CSMD3: variants seen among roughly 807,000 people sequenced by gnomAD.
CSMD3 encodes the protein CUB and sushi domain-containing protein 3.
Under a neutral mutation model 435.2 loss-of-function variants are expected in CSMD3, and 177 were observed. The observed-to-expected ratio is 0.41, with a 90% confidence interval of 0.36 to 0.46. The LOEUF is 0.46. Ranked by LOEUF, CSMD3 falls within the 20% of genes least tolerant of loss-of-function variation. The pLI is 0.34. For synonymous variants in CSMD3, 1,656 were observed against 1,520.5 expected (o/e 1.09, Z -2.07); for missense variants, 4,265 against 4,504.6 (o/e 0.95, Z 1.52).
rs2129754319 is a variant in CSMD3, at chr8:112,224,702, C to G, written c.*69G>C. The G allele has an allele frequency of 6.7e-7, 1 of 1,485,984 alleles. No homozygotes were observed. Among genetic ancestry groups the G allele is most frequent in the Middle Eastern group, 1.7e-4 (1 of 5,812 alleles). 92.0% of individuals were successfully genotyped at this position (1,485,984 alleles called of 1,614,324 possible). A position where few individuals can be genotyped will look rare whatever the true frequency, so the allele number is the denominator to read the frequency against. On this transcript the variant is annotated 3_prime_UTR_variant, in exon 71 of 71. Transcript: ENST00000297405. ...GAAAAGTGTGCTTTAATTTGTTTAG[C>G]AGTGAACTAAATGTGCACTGTTTTG...
intron 15 of CSMD3, among the ~76,000 whole-genome samples, chr8:112,683,524 G>T (rs2131793115): frequency 6.6e-6 from 1 of 152,034 alleles, no homozygotes; most frequent in South Asian, 2.1e-4. Context: ...ACAGCAAATA[G>T]CAGGAGTATA....
chr8:112,809,563 A>T (rs1349110375), intron 12 of CSMD3, among the ~76,000 whole-genome samples: 2 of 152,178 alleles, frequency 1.3e-5, no homozygotes, highest in Non-Finnish European at 2.9e-5. Flanking sequence ...TACTTTAAGA[A>T]CCACATTTTA....
chr8:112,311,032 T>C lies in CSMD3; in HGVS notation c.7831A>G (p.Arg2611Gly). ...GCATGATACCCATAGGAAGACTTTC[T>C]GCACACAGCACTGCTTTTTCCAACA... ...RLVGKSSAVC[R>G]KSSYGYHAWD... The change falls in exon 50 of 71, where the codon AGA (arginine) becomes GGA (glycine). Residue 2611 changes from arginine (R) to glycine (G), a missense_variant. Physicochemically the swap from Arg to Gly is moderately radical, Grantham distance 125 (BLOSUM62 -2). This residue lies in a region of CSMD3 where 3,255 missense variants were observed against 3,380.2 expected (regional missense o/e 0.96). Coordinates refer to ENST00000297405, the MANE Select transcript of CSMD3 (RefSeq NM_198123.2). 1 of 1,614,166 alleles carries C rather than the reference T, an allele frequency of 6.2e-7. No homozygotes were observed. Among genetic ancestry groups the C allele is most frequent in the Non-Finnish European group, 8.5e-7 (1 of 1,180,014 alleles).
chr8:112,610,278 A>G (rs1304786343), intron 22 of CSMD3, among the ~76,000 whole-genome samples: 1 of 152,030 alleles, frequency 6.6e-6, no homozygotes, highest in Non-Finnish European at 1.5e-5. Context: ...ATTACGTTGT[A>G]TATCTTGAAT....
chr8:112,775,242 G>A (rs886837231), intron 13 of CSMD3, among the ~76,000 whole-genome samples: 5 of 151,484 alleles, frequency 3.3e-5, no homozygotes, highest in Non-Finnish European at 7.4e-5. Flanking sequence ...ATGTTAATGG[G>A]TATACATTTT....
intron 1 of CSMD3, among the ~76,000 whole-genome samples, chr8:113,378,399 T>C (rs1194115953): frequency 1.3e-5 from 2 of 152,220 alleles, no homozygotes; most frequent in Non-Finnish European, 2.9e-5. Flanking sequence ...AGAGATATAG[T>C]CTAGTTGAGG....
chr8:112,990,656 C>T (rs566065308), intron 6 of CSMD3, among the ~76,000 whole-genome samples: 8 of 151,894 alleles, frequency 5.3e-5, no homozygotes, highest in African/African-American at 1.7e-4. Flanking sequence ...TTGTTAGTTT[C>T]TAGGAATTAA....
chr8:112,829,812 A>C, intron 11 of CSMD3, 23 bp from the exon 12 acceptor site: 1 of 1,222,170 alleles, frequency 8.2e-7, no homozygotes, highest in South Asian at 1.2e-5. Context: ...AGAAACATGC[A>C]CCTTAAATAT....
chr8:113,406,418 G>A (rs1417580359), intron 1 of CSMD3, among the ~76,000 whole-genome samples: 2 of 151,878 alleles, frequency 1.3e-5, no homozygotes, highest in East Asian at 3.9e-4. Context: ...AATTTTAGAG[G>A]CAGAGGCATA....
At position 112,329,386 on chromosome 8, in the gene CSMD3, A is replaced by T. The variant is rs115933871; in HGVS notation, c.7165+5943T>A. Among the ~76,000 whole-genome samples, 497 of 152,304 alleles carry T rather than the reference A, an allele frequency of 3.3e-3. 4 individuals carry two copies. Among genetic ancestry groups the T allele is most frequent in the African/African-American group, 0.012 (484 of 41,572 alleles). ...TCCACCTCAGCCAACATTAGTGAAT[A>T]GTATTTCCACACTAATTATATAGGT... On this transcript the variant is annotated intron_variant, in intron 45 of 70. Transcript: ENST00000297405.
At chr8:113,102,381 A>G (rs2090355150) in intron 4 of CSMD3, among the ~76,000 whole-genome samples, 1 of 152,162 alleles carries the variant, frequency 6.6e-6, no homozygotes, top group Non-Finnish European at 1.5e-5. Context: ...GTATTCATTG[A>G]GATCTTCCAA....
chr8:112,509,683 A>G (rs1387798696), intron 28 of CSMD3, among the ~76,000 whole-genome samples: 1 of 152,108 alleles, frequency 6.6e-6, no homozygotes, highest in Non-Finnish European at 1.5e-5. Flanking sequence ...CAGTCTTATT[A>G]TCATACACTT....
chr8:112,477,402 G>A (rs1819163291), intron 31 of CSMD3, among the ~76,000 whole-genome samples: 1 of 152,120 alleles, frequency 6.6e-6, no homozygotes, highest in African/African-American at 2.4e-5. Context: ...GCCCATAGTA[G>A]CAAATCCATG....
intron 38 of CSMD3, among the ~76,000 whole-genome samples, chr8:112,362,579 C>G (rs141573963): frequency 1.4e-3 from 210 of 152,002 alleles, no homozygotes; most frequent in African/African-American, 4.9e-3. Flanking sequence ...GTACCTATTG[C>G]GTGCTCTGTA....
Position 113,327,866 on chromosome 8 carries a change from G to A in CSMD3, c.179-13073C>T, listed in dbSNP as rs552944018. 2.0e-5 allele frequency among the ~76,000 whole-genome samples: 3 copies of A among 152,168 alleles called. No homozygotes were observed. The East Asian group carries it at 5.8e-4, about 29-fold the overall frequency. On this transcript the variant is annotated intron_variant, in intron 1 of 70. Transcript: ENST00000297405. Reference sequence around the variant, plus strand: ...GAGCCTGGTCAAAACATAAAAGGAAGGTCTGGGGAAAGACGTGCTCACAGG... The same window carrying A: ...GAGCCTGGTCAAAACATAAAAGGAAAGTCTGGGGAAAGACGTGCTCACAGG...
In CSMD3 at chr8:112,352,416, C is replaced by T. The variant is rs2131062365; in HGVS notation, c.6255G>A (p.Gln2085=). The change falls in exon 39 of 71, where the codon CAG becomes CAA. Residue 2085 remains glutamine (Q), a splice_region_variant and synonymous_variant. Coordinates refer to ENST00000297405, the MANE Select transcript of CSMD3 (RefSeq NM_198123.2). ...SFQCDQGYSL[Q]GHSHITCMPG... ...AACCACAACTTTAAAATAGACTTACCTGAAGAGAATATCCTTGATCACACT... is the reference window on the plus strand; with the variant it reads ...AACCACAACTTTAAAATAGACTTACTTGAAGAGAATATCCTTGATCACACT... 1 of 1,613,230 alleles carries T rather than the reference C, an allele frequency of 6.2e-7. No homozygotes were observed. The highest frequency in any genetic ancestry group is 8.5e-7 in the Non-Finnish European group (1 of 1,179,610).
At chr8:112,459,434 A>T (rs967911715) in intron 32 of CSMD3, among the ~76,000 whole-genome samples, 3 of 151,948 alleles carry the variant, frequency 2.0e-5, no homozygotes, top group Admixed American at 2.0e-4. Flanking sequence ...TGGGTACAGA[A>T]GAGTCAAAAG....
chr8:112,737,625 T>C (rs2077214740), intron 13 of CSMD3, among the ~76,000 whole-genome samples: 1 of 151,902 alleles, frequency 6.6e-6, no homozygotes, highest in Non-Finnish European at 1.5e-5. Context: ...TTCTCAGAAG[T>C]GTCCTGGTTT....
intron 27 of CSMD3, among the ~76,000 whole-genome samples, chr8:112,530,365 T>C (rs570360338): frequency 1.3e-5 from 2 of 152,104 alleles, no homozygotes; most frequent in African/African-American, 4.8e-5. Context: ...TACAAGCAAA[T>C]TGTCAATAGT....
Sources: allele counts gnomAD v4.1 joint callset (sites outside exome capture counted in the v4.1 genomes callset), GRCh38; gene constraint gnomAD v4.1.1; regional missense constraint gnomAD v4.1.1; transcripts MANE v1.5; gene names NCBI Gene and HGNC (gene_info 2026-07-23, HGNC 2026-07-21).